Variants in TAS2R1 observed in about 807,000 individuals in gnomAD.
TAS2R1 encodes the protein taste receptor type 2 member 1.
For synonymous variants in TAS2R1, 141 were observed against 134.2 expected, an observed-to-expected ratio of 1.05 and a Z score of -0.35; for missense variants, 370 against 353.4, an observed-to-expected ratio of 1.05 and a Z score of -0.38.
At chr5:9,863,813 A>T in the TAS2R1 span, among the ~76,000 whole-genome samples, 2 of 152,232 alleles carry the variant, frequency 1.3e-5, no homozygotes, top group African/African-American at 4.8e-5. Context: ...TTGGGACCCA[A>T]GGGTGAACAC....
chr5:9,876,743 G>C, the TAS2R1 span, among the ~76,000 whole-genome samples: 1 of 152,094 alleles, frequency 6.6e-6, no homozygotes, highest in Non-Finnish European at 1.5e-5. Context: ...TTATGAATAC[G>C]ACTTCCCAGG....
chr5:9,844,532 C>A, the TAS2R1 span, among the ~76,000 whole-genome samples: 8 of 152,250 alleles, frequency 5.3e-5, no homozygotes, highest in African/African-American at 1.7e-4. Flanking sequence ...ACAGGATAAA[C>A]CTCATTATAT....
chr5:9,778,412 G>C, the TAS2R1 span, among the ~76,000 whole-genome samples: 2 of 152,152 alleles, frequency 1.3e-5, no homozygotes, highest in Non-Finnish European at 1.5e-5. Flanking sequence ...TCAACTTAAA[G>C]TTACCAGCTG....
the TAS2R1 span, among the ~76,000 whole-genome samples, chr5:9,902,034 C>T: frequency 7.2e-5 from 11 of 152,124 alleles, no homozygotes; most frequent in East Asian, 1.9e-3. Context: ...TTTGATGTTA[C>T]GTCTGTCCCT....
rs75447830 is a variant in TAS2R1 at position 9,673,350 on chromosome 5, T to A, written c.-241-13769A>T. Among the ~76,000 whole-genome samples, 131 of 152,298 alleles carry A rather than the reference T, an allele frequency of 8.6e-4. No individual in the cohort carries two copies. In the East Asian group the frequency reaches 0.014, roughly 16 times the overall value. On this transcript the variant is annotated intron_variant, in intron 1 of 2. Coordinates refer to the TAS2R1 transcript ENST00000506620. Reference sequence around the variant, plus strand: ...GCTTAAGGGTACATTAATATGATCATAATTTAAATATATGTGCAGAAGAAA... The same window carrying A: ...GCTTAAGGGTACATTAATATGATCAAAATTTAAATATATGTGCAGAAGAAA...
the TAS2R1 span, among the ~76,000 whole-genome samples, chr5:9,795,133 C>T: frequency 5.3e-5 from 8 of 152,254 alleles, no homozygotes; most frequent in East Asian, 1.5e-3. Context: ...CAACTGTAGT[C>T]ACCCTACAGT....
chr5:9,754,064 C>T, the TAS2R1 span, among the ~76,000 whole-genome samples: 1 of 152,194 alleles, frequency 6.6e-6, no homozygotes, highest in African/African-American at 2.4e-5. Context: ...CCACCATGAT[C>T]AAGTGGGCTT....
At chr5:9,664,152 G>C (rs1740587689) in intron 1 of TAS2R1, among the ~76,000 whole-genome samples, 1 of 152,100 alleles carries the variant, frequency 6.6e-6, no homozygotes, top group African/African-American at 2.4e-5. Flanking sequence ...ATCGCCCCAG[G>C]CTGGCTTTCC....
chr5:9,732,275 G>C, the TAS2R1 span, among the ~76,000 whole-genome samples: 2 of 152,280 alleles, frequency 1.3e-5, no homozygotes, highest in Middle Eastern at 3.4e-3. Flanking sequence ...CGAGTTCTTG[G>C]AGCAGAGCAT....
the TAS2R1 span, among the ~76,000 whole-genome samples, chr5:9,799,309 C>G: frequency 6.6e-6 from 1 of 152,222 alleles, no homozygotes; most frequent in African/African-American, 2.4e-5. Flanking sequence ...AACTAAGTAT[C>G]AGTGACAATT....
intron 2 of TAS2R1, among the ~76,000 whole-genome samples, chr5:9,635,731 G>A (rs927799203): frequency 1.3e-5 from 2 of 151,934 alleles, no homozygotes; most frequent in Non-Finnish European, 2.9e-5. Context: ...GTGTAAAGGT[G>A]TTTATAGTTG....
At chr5:9,671,512 C>G (rs1740754637) in intron 1 of TAS2R1, among the ~76,000 whole-genome samples, 1 of 152,046 alleles carries the variant, frequency 6.6e-6, no homozygotes, top group South Asian at 2.1e-4. Flanking sequence ...AGCTGAGAGC[C>G]AAATCAAGAA....
At chr5:9,653,913 T>G (rs1364983935) in intron 2 of TAS2R1, among the ~76,000 whole-genome samples, 1 of 152,140 alleles carries the variant, frequency 6.6e-6, no homozygotes, top group African/African-American at 2.4e-5. Context: ...TGTCTGCAGG[T>G]AAGGTTACAG....
chr5:9,869,674 G>A, the TAS2R1 span, among the ~76,000 whole-genome samples: 1 of 152,190 alleles, frequency 6.6e-6, no homozygotes, highest in East Asian at 1.9e-4. Context: ...TCATTGCTGA[G>A]GTAATTAAGT....
chr5:9,767,104 T>C, the TAS2R1 span, among the ~76,000 whole-genome samples: 4 of 152,144 alleles, frequency 2.6e-5, no homozygotes, highest in Non-Finnish European at 5.9e-5. Flanking sequence ...ATGGATCCAC[T>C]GACATTTCTG....
chr5:9,683,277 A>T (rs992828613), intron 1 of TAS2R1, among the ~76,000 whole-genome samples: 20 of 152,194 alleles, frequency 1.3e-4, no homozygotes, highest in Admixed American at 1.1e-3. Flanking sequence ...ATAAGTTCCC[A>T]AGTCTTTTTG....
chr5:9,753,320 T>C, the TAS2R1 span, among the ~76,000 whole-genome samples: 1 of 152,272 alleles, frequency 6.6e-6, no homozygotes, highest in African/African-American at 2.4e-5. Context: ...CATTTTTTCA[T>C]GTGTCTTTTG....
chr5:9,796,745 G>GAAAAA, the TAS2R1 span, among the ~76,000 whole-genome samples: 2 of 107,448 alleles, frequency 1.9e-5, no homozygotes, highest in African/African-American at 6.9e-5. Flanking sequence ...AAAAAGAAAA[G>GAAAAA]AAAAAAAAAA....
the TAS2R1 span, among the ~76,000 whole-genome samples, chr5:9,773,529 A>G: frequency 6.6e-6 from 1 of 152,128 alleles, no homozygotes; most frequent in African/African-American, 2.4e-5. Flanking sequence ...GTACCTTCAG[A>G]TGATTTCTTA....
Sources: gnomAD v4.1 joint callset for allele counts (sites outside exome capture counted in the v4.1 genomes callset) on GRCh38, gnomAD v4.1.1 for gene constraint, MANE v1.5 for transcripts, NCBI Gene and HGNC (gene_info 2026-07-23, HGNC 2026-07-21) for gene names.